LAMP1: variants seen among roughly 807,000 people sequenced by gnomAD.
LAMP1 encodes lysosome-associated membrane glycoprotein 1.
Under a neutral mutation model 37.5 loss-of-function variants are expected in LAMP1, and 7 were observed. The observed-to-expected ratio is 0.19, with a 90% CI of 0.11 to 0.35. The LOEUF is 0.35. Ranked by LOEUF, LAMP1 falls within the 10% of genes least tolerant of loss-of-function variation. The pLI is 1.00. For synonymous variants in LAMP1, 236 were observed against 229.1 expected (o/e 1.03, Z -0.27); for missense variants, 537 against 552.8 (o/e 0.97, Z 0.29).
Position 113,297,716 on chromosome 13 carries a change from C to T in LAMP1, c.61+221C>T, listed in dbSNP as rs147163985. 1.2e-3 allele frequency among the ~76,000 whole-genome samples: 189 copies of T among 152,350 alleles called. No homozygotes were observed. The highest frequency in any genetic ancestry group is 4.2e-3 in the African/African-American group (175 of 41,582). On this transcript the variant is annotated intron_variant, in intron 1 of 8. Transcript: ENST00000332556. This position sits in a 1 kb window ranked among gnomAD's most constrained non-coding sequence, Gnocchi z 4.4. ...TGCTTGGGGGACCAGGAGGTCTCAT[C>T]CCAGGACCTGGCTCCTCTAAGGTCT...
Position 113,321,612 on chromosome 13 carries a change from C to G in LAMP1, c.999C>G (p.Gly333=). ...TGCGAGCGCTGCAGGCCACAGTCGGCAATTCCTACAAGTGCAACGCGGAGG... is the reference window on the plus strand; with the variant it reads ...TGCGAGCGCTGCAGGCCACAGTCGGGAATTCCTACAAGTGCAACGCGGAGG... ...GSLRALQATV[G]NSYKCNAEEH... Residue 333 remains glycine (G), a synonymous_variant, in exon 8 of 9, where the codon GGC becomes GGG. Transcript: ENST00000332556. This position sits in a 1 kb window ranked among gnomAD's most constrained non-coding sequence, Gnocchi z 5.6. The G allele has an allele frequency of 6.2e-7, 1 of 1,614,196 alleles. No individual in the cohort carries two copies. The highest frequency in any genetic ancestry group is 8.5e-7 in the Non-Finnish European group (1 of 1,180,048).
At chr13:113,316,642 T>C (rs554568587) in intron 4 of LAMP1, among the ~76,000 whole-genome samples, 83 of 152,158 alleles carry the variant, frequency 5.5e-4, no homozygotes, top group South Asian at 1.9e-3. Flanking sequence ...AGGATGGTCT[T>C]GATCTCCTGA....
rs893129473 is a variant in LAMP1, at chr13:113,321,290, G to T, written c.877-114G>T. 1 of 874,742 alleles carries T rather than the reference G, an allele frequency of 1.1e-6. No homozygotes were observed. The highest frequency in any genetic ancestry group is 1.9e-6 in the Non-Finnish European group (1 of 514,952). 54.2% of individuals were successfully genotyped at this position (874,742 alleles called of 1,614,324 possible). A position where few individuals can be genotyped will look rare whatever the true frequency, so the allele number is the denominator to read the frequency against. On this transcript the variant is annotated intron_variant, in intron 6 of 8. Transcript: ENST00000332556. The surrounding 1 kb of genome is among the most constrained non-coding windows in gnomAD (Gnocchi z 5.6). ...CTAATACTAGAAATGTAGGAAGTCA[G>T]GTTTATTACCCAATGACCATTCACG...
At chr13:113,312,182 C>T (rs141530931) in intron 4 of LAMP1, among the ~76,000 whole-genome samples, 5 of 152,320 alleles carry the variant, frequency 3.3e-5, no homozygotes, top group Admixed American at 2.0e-4. Context: ...CAGGTCGGCA[C>T]CCCATGGTGC....
At chr13:113,314,337 G>T (rs1331396944) in intron 4 of LAMP1, among the ~76,000 whole-genome samples, 1 of 131,880 alleles carries the variant, frequency 7.6e-6, no homozygotes, top group Non-Finnish European at 1.5e-5. Context: ...CCAGTGCGGA[G>T]ATGCCCGTGT....
intron 1 of LAMP1, among the ~76,000 whole-genome samples, chr13:113,300,075 G>A (rs1421267764): frequency 6.6e-6 from 1 of 152,150 alleles, no homozygotes; most frequent in Non-Finnish European, 1.5e-5. Context: ...AACTTGTCCT[G>A]ATAGATAGGA....
Position 113,322,374 on chromosome 13 carries a change from T to TTA in LAMP1, c.1207_1208insTA (p.Tyr403LeufsTer70). 6.2e-7 allele frequency: 1 copy of TTA among 1,602,452 alleles called. No homozygotes were observed. The highest frequency in any genetic ancestry group is 1.7e-5 in the Admixed American group (1 of 58,730). On this transcript the variant is annotated frameshift_variant, in exon 9 of 9. Coordinates refer to ENST00000332556, the MANE Select transcript of LAMP1 (RefSeq NM_005561.4). LOFTEE classifies it high-confidence loss of function. ...GCTGGTCCTCATCGTCCTCATCGCC[T>TTA]ACCTCGTCGGCAGGAAGAGGAGTCA...
In LAMP1 at chr13:113,319,542, C is replaced by T. The variant is rs376761620; in HGVS notation, c.636C>T (p.Pro212=). Residue 212 remains proline (P), a synonymous_variant, in exon 5 of 9, where the codon CCC becomes CCT. Coordinates refer to ENST00000332556, the MANE Select transcript of LAMP1 (RefSeq NM_005561.4). The stretch of plus-strand genomic sequence containing the variant: ...CGCCACCCAGCCCCTCGCCCTCACC[C>T]GTGCCCAAGAGCCCCTCTGTGGACA... The part of the protein sequence containing the change: ...PPAPPSPSPS[P]VPKSPSVDKY... The T allele has an allele frequency of 6.8e-6, 11 of 1,613,918 alleles. No homozygotes were observed. Among genetic ancestry groups the T allele is most frequent in the East Asian group, 4.5e-5 (2 of 44,898 alleles).
chr13:113,319,975 A>AT (rs1213044570), intron 5 of LAMP1, among the ~76,000 whole-genome samples: 1 of 152,218 alleles, frequency 6.6e-6, no homozygotes, highest in African/African-American at 2.4e-5. Flanking sequence ...TCATGGAAAC[A>AT]TTTAAGTGTT....
At chr13:113,322,176 G>C in intron 8 of LAMP1, 106 bp from the exon 9 acceptor site, 2 of 1,299,394 alleles carry the variant, frequency 1.5e-6, no homozygotes, top group African/African-American at 1.5e-5. Context: ...CTTCCGCCAG[G>C]GTTCCTCTTT....
Position 113,301,640 on chromosome 13 carries a change from AAAAAATATATATATATATAT to A in LAMP1, c.61+4147_61+4166del, listed in dbSNP as rs1252356994. Among the ~76,000 whole-genome samples, 160 of 75,052 alleles carry A rather than the reference AAAAAATATATATATATATAT, an allele frequency of 2.1e-3. 7 individuals are homozygous for A. The highest frequency in any genetic ancestry group is 5.1e-3 in the African/African-American group (61 of 12,004). The allele number at this position is 75,052 out of a possible 152,430, so 49.2% of individuals were successfully genotyped here. A position where few individuals can be genotyped will look rare whatever the true frequency, so the allele number is the denominator to read the frequency against. The stretch of plus-strand genomic sequence containing the variant: ...TCTGTTTCCATTTAAAAAAAAAAAA[AAAAAATATATATATATATAT>A]ATATATATATATATATATATATATA... On this transcript the variant is annotated intron_variant, in intron 1 of 8. Coordinates refer to ENST00000332556, the MANE Select transcript of LAMP1 (RefSeq NM_005561.4).
chr13:113,313,743 G>A (rs1365347480), intron 4 of LAMP1, among the ~76,000 whole-genome samples: 1 of 117,316 alleles, frequency 8.5e-6, no homozygotes, highest in Admixed American at 8.2e-5. Flanking sequence ...GTGGCCTCCT[G>A]GAGGGAGTCA....
chr13:113,311,036 G>C (rs1418219366), intron 4 of LAMP1, among the ~76,000 whole-genome samples, 169 bp downstream of exon 4: 3 of 152,148 alleles, frequency 2.0e-5, no homozygotes, highest in Admixed American at 2.0e-4. Context: ...TCCTAGGGCA[G>C]GTGACTTGTA....
chr13:113,314,807 T>C (rs1465337731), intron 4 of LAMP1, among the ~76,000 whole-genome samples: 6 of 53,742 alleles, frequency 1.1e-4, no homozygotes, highest in African/African-American at 1.7e-4. Context: ...CTAGAGGGAG[T>C]CAGTGTGGAG....
chr13:113,317,696 CTTTT>C (rs1223185402), intron 4 of LAMP1, among the ~76,000 whole-genome samples: 27 of 133,406 alleles, frequency 2.0e-4, no homozygotes, highest in African/African-American at 6.7e-4. Context: ...CGTGAAGCTG[CTTTT>C]TTTTTTTTTT....
At chr13:113,309,060 A>C (rs2042615400) in intron 2 of LAMP1, among the ~76,000 whole-genome samples, 1 of 152,200 alleles carries the variant, frequency 6.6e-6, no homozygotes, top group African/African-American at 2.4e-5. Flanking sequence ...AAGACGCTTT[A>C]AATTCTGTTA....
chr13:113,320,490 T>C lies in LAMP1; in HGVS notation c.876+20T>C, dbSNP rs1378167396. 6.2e-7 allele frequency: 1 copy of C among 1,600,552 alleles called. No homozygotes were observed. The highest frequency in any genetic ancestry group is 2.2e-5 in the East Asian group (1 of 44,764). Reference sequence around the variant, plus strand: ...GGGATGGTGAGGCTGGGGCGGCACCTCTCTGGGGGCGCCCACTGTGTCTCC... The same window carrying C: ...GGGATGGTGAGGCTGGGGCGGCACCCCTCTGGGGGCGCCCACTGTGTCTCC... On this transcript the variant is annotated intron_variant, in intron 6 of 8. Coordinates refer to ENST00000332556, the MANE Select transcript of LAMP1 (RefSeq NM_005561.4). This position sits in a 1 kb window ranked among gnomAD's most constrained non-coding sequence, Gnocchi z 4.4.
At chr13:113,311,060 A>G (rs2042628640) in intron 4 of LAMP1, among the ~76,000 whole-genome samples, 193 bp downstream of exon 4, 1 of 152,156 alleles carries the variant, frequency 6.6e-6, no homozygotes, top group Non-Finnish European at 1.5e-5. Context: ...GAGGGTAGAC[A>G]CATGTTGATT....
In LAMP1 at chr13:113,310,618, T is replaced by C. The variant is rs1025972410; in HGVS notation, c.404-91T>C. On this transcript the variant is annotated intron_variant, in intron 3 of 8. Transcript: ENST00000332556. The stretch of plus-strand genomic sequence containing the variant: ...TTTAATCTAGAAATCAAGACTGGAA[T>C]CTATAACTGACATCAGGGCTAAAAT... 3 of 1,016,688 alleles carry C rather than the reference T, an allele frequency of 3.0e-6. No individual in the cohort carries two copies. The African/African-American group carries it at 5.0e-5, about 17-fold the overall frequency. 63.0% of individuals were successfully genotyped at this position (1,016,688 alleles called of 1,614,324 possible).
Sources: allele counts gnomAD v4.1 joint callset (sites outside exome capture counted in the v4.1 genomes callset), GRCh38; gene constraint gnomAD v4.1.1; non-coding constraint Gnocchi (gnomAD v3.1); transcripts MANE v1.5; gene names NCBI Gene and HGNC (gene_info 2026-07-23, HGNC 2026-07-21).